Variants in EYS observed in about 807,000 individuals in gnomAD.
EYS encodes EGF-like photoreceptor maintenance factor.
A neutral mutation model predicts 282.1 loss-of-function variants in EYS; 250 were observed. That is an observed-to-expected ratio of 0.89 (90% CI 0.80 to 0.98). EYS has a LOEUF of 0.98. Ranked by LOEUF, EYS falls within the 50% of genes least tolerant of loss-of-function variation. EYS has a pLI of 0.00. For synonymous variants in EYS, 1,355 were observed against 1,282.9 expected, an observed-to-expected ratio of 1.06 and a Z score of -1.20; for missense variants, 4,016 against 3,709.0, an observed-to-expected ratio of 1.08 and a Z score of -2.15.
Position 64,847,317 on chromosome 6 carries a change from A to G in EYS, c.2993-24495T>C, listed in dbSNP as rs1393625133. 7.3e-5 allele frequency among the ~76,000 whole-genome samples: 11 copies of G among 151,632 alleles called. No homozygotes were observed. In the Admixed American group the frequency reaches 7.3e-4, roughly 10 times the overall value. On this transcript the variant is annotated intron_variant, in intron 19 of 42. Transcript: ENST00000503581. ...TGTGTGTGTGTATCCTATTGGTTCT[A>G]TTTCTCTGAAGAACGCTAATACAGA...
chr6:64,624,856 G>A (rs1351653050), intron 23 of EYS, among the ~76,000 whole-genome samples: 2 of 152,084 alleles, frequency 1.3e-5, no homozygotes, highest in Non-Finnish European at 2.9e-5. Flanking sequence ...CTGTGAGGTA[G>A]GTAAATAGGG....
At chr6:64,727,190 G>C (rs374668570) in intron 22 of EYS, among the ~76,000 whole-genome samples, 2 of 152,140 alleles carry the variant, frequency 1.3e-5, no homozygotes, top group East Asian at 3.8e-4. Context: ...TTTAGAAGAA[G>C]CCACTCATAA....
chr6:65,124,191 GAATA>G (rs3036013), intron 12 of EYS, among the ~76,000 whole-genome samples: 3 of 151,598 alleles, frequency 2.0e-5, no homozygotes, highest in Admixed American at 6.6e-5. Flanking sequence ...AAATATAAAG[GAATA>G]AATAAATGTA....
At chr6:64,792,325 A>G (rs1330803229) in intron 22 of EYS, among the ~76,000 whole-genome samples, 1 of 152,002 alleles carries the variant, frequency 6.6e-6, no homozygotes, top group African/African-American at 2.4e-5. Context: ...TAGATCATAT[A>G]TTTACAATCC....
intron 8 of EYS, among the ~76,000 whole-genome samples, chr6:65,355,126 T>C (rs2150328663): frequency 6.6e-6 from 1 of 152,190 alleles, no homozygotes; most frequent in East Asian, 1.9e-4. Context: ...AGCAGAATAG[T>C]ACATTATTCA....
chr6:64,643,390 G>C (rs1213321054), intron 22 of EYS, among the ~76,000 whole-genome samples: 1 of 152,140 alleles, frequency 6.6e-6, no homozygotes, highest in South Asian at 2.1e-4. Context: ...CCAAAAACAT[G>C]AATAAACAAA....
chr6:64,069,664 G>C (rs1272224887), intron 32 of EYS, among the ~76,000 whole-genome samples: 1 of 151,946 alleles, frequency 6.6e-6, no homozygotes, highest in East Asian at 1.9e-4. Context: ...CTTAAAATAA[G>C]AGCAGGATCA....
intron 30 of EYS, among the ~76,000 whole-genome samples, chr6:64,245,857 A>G (rs1241560980): frequency 6.6e-6 from 1 of 151,870 alleles, no homozygotes; most frequent in Non-Finnish European, 1.5e-5. Context: ...GGTCTCTACT[A>G]AAAATACAAA....
intron 12 of EYS, among the ~76,000 whole-genome samples, chr6:65,113,328 G>C (rs1351706465): frequency 6.6e-6 from 1 of 151,908 alleles, no homozygotes; most frequent in African/African-American, 2.4e-5. Context: ...ATGAGAAATT[G>C]ACAATCTATA....
chr6:64,900,815 T>C (rs1362719479), intron 18 of EYS, among the ~76,000 whole-genome samples: 1 of 152,118 alleles, frequency 6.6e-6, no homozygotes, highest in African/African-American at 2.4e-5. Flanking sequence ...AGTTCAACCA[T>C]TGTGGAAGAC....
chr6:64,385,618 A>C (rs904888787), intron 29 of EYS, among the ~76,000 whole-genome samples: 9 of 152,308 alleles, frequency 5.9e-5, no homozygotes, highest in African/African-American at 2.2e-4. Context: ...TAGGAGAAAA[A>C]GTCTTTCGAA....
chr6:63,721,764 G>T lies in EYS; in HGVS notation c.8267C>A (p.Ser2756Tyr). 1 of 1,550,544 alleles carries T rather than the reference G, an allele frequency of 6.4e-7. No homozygotes were observed. The highest frequency in any genetic ancestry group is 8.7e-7 in the Non-Finnish European group (1 of 1,146,358). The change falls in exon 43 of 43, where the codon TCC (serine) becomes TAC (tyrosine). Residue 2756 changes from serine (S) to tyrosine (Y), a missense_variant. Ser to Tyr is a moderately radical substitution (Grantham distance 144). Coordinates refer to ENST00000503581, the MANE Select transcript of EYS (RefSeq NM_001142800.2). The stretch of plus-strand genomic sequence containing the variant: ...GCCAAGGTTGTAGCGAAGTTGAACG[G>T]AACTATTTACTAAAGAGATGCATAA... ...DFLCISLVNS[S>Y]VQLRYNLGDR...
intron 35 of EYS, among the ~76,000 whole-genome samples, chr6:63,928,268 T>G (rs1280874346): frequency 6.6e-6 from 1 of 152,226 alleles, no homozygotes; most frequent in East Asian, 1.9e-4. Flanking sequence ...TTTGGTAGAC[T>G]GGCTCTAGGC....
At chr6:65,213,309 G>GT (rs895714379) in intron 12 of EYS, among the ~76,000 whole-genome samples, 134 of 152,092 alleles carry the variant, frequency 8.8e-4, no homozygotes, top group Non-Finnish European at 2.6e-4. Flanking sequence ...CTTCAAAGTT[G>GT]TTTTTAGGTA....
At chr6:64,033,279 G>C (rs770498960) in intron 33 of EYS, among the ~76,000 whole-genome samples, 2 of 152,044 alleles carry the variant, frequency 1.3e-5, no homozygotes, top group Admixed American at 6.5e-5. Context: ...CCTACTCATC[G>C]TAAGTCTACT....
intron 12 of EYS, among the ~76,000 whole-genome samples, chr6:65,179,475 T>A (rs1490173520): frequency 6.6e-6 from 1 of 152,054 alleles, no homozygotes; most frequent in East Asian, 1.9e-4. Flanking sequence ...ATGGATAAAT[T>A]CCTCGACACA....
chr6:65,058,925 T>A lies in EYS; in HGVS notation c.2024-1198A>T, dbSNP rs189065917. ...TGAATGGAAACATTCCTTCTTTTTT[T>A]AAAAAAATTCTGTAAAACAGTAACA... On this transcript the variant is annotated intron_variant, in intron 12 of 42. Transcript: ENST00000503581. Among the ~76,000 whole-genome samples the A allele has an allele frequency of 2.0e-3, 311 of 152,068 alleles. 5 individuals are homozygous for A. Among genetic ancestry groups the A allele is most frequent in the Admixed American group, 0.014 (214 of 15,236 alleles).
intron 24 of EYS, among the ~76,000 whole-genome samples, chr6:64,599,991 T>G (rs921213804): frequency 9.4e-4 from 143 of 152,176 alleles, no homozygotes; most frequent in African/African-American, 3.3e-3. Flanking sequence ...CTCAATGACT[T>G]TACAATCCAG....
intron 26 of EYS, among the ~76,000 whole-genome samples, chr6:64,560,707 A>T (rs1388509042): frequency 6.6e-6 from 1 of 152,176 alleles, no homozygotes; most frequent in East Asian, 1.9e-4. Flanking sequence ...CCTCAAAAAA[A>T]TTTAAAAAAT....
Sources: gnomAD v4.1 joint callset for allele counts (sites outside exome capture counted in the v4.1 genomes callset) on GRCh38, gnomAD v4.1.1 for gene constraint, MANE v1.5 for transcripts, NCBI Gene and HGNC (gene_info 2026-07-23, HGNC 2026-07-21) for gene names.